RNF126: variants seen among roughly 807,000 people sequenced by gnomAD.
RNF126 encodes E3 ubiquitin-protein ligase RNF126.
RNF126 carries 20 observed loss-of-function variants against 41.9 expected under a neutral mutation model. That is an observed-to-expected ratio of 0.48 (90% confidence interval 0.34 to 0.69). RNF126 has a LOEUF of 0.69. Ranked by LOEUF, RNF126 falls within the 30% of genes least tolerant of loss-of-function variation. The pLI is 0.01. For synonymous variants in RNF126, 239 were observed against 202.9 expected, an observed-to-expected ratio of 1.18 and a Z score of -1.51; for missense variants, 433 against 460.6, an observed-to-expected ratio of 0.94 and a Z score of 0.55.
At position 659,766 on chromosome 19, in the gene RNF126, C is replaced by CTTTTT. The variant is rs35641190; in HGVS notation, c.75+3276_75+3280dup. On this transcript the variant is annotated intron_variant, in intron 1 of 8. Coordinates refer to ENST00000292363, the MANE Select transcript of RNF126 (RefSeq NM_194460.3). This position sits in a 1 kb window ranked among gnomAD's most constrained non-coding sequence, Gnocchi z 4.9. ...GACACCCAGACACCCTCGTCATCGC[C>CTTTTT]TTTTTTTTTTTTTTTTGGAAGGAGT... Among the ~76,000 whole-genome samples the CTTTTT allele has an allele frequency of 7.2e-6, 1 of 138,852 alleles. No individual in the cohort carries two copies. The allele number at this position is 138,852 out of a possible 152,430, so 91.1% of individuals were successfully genotyped here.
At chr19:652,193 G>A (rs1255278554) in intron 3 of RNF126, 40 bp downstream of exon 3, 1 of 1,482,500 alleles carries the variant, frequency 6.7e-7, no homozygotes, top group South Asian at 1.3e-5. Context: ...CCCCGAGCAA[G>A]GCTGACACGA....
intron 1 of RNF126, among the ~76,000 whole-genome samples, chr19:654,504 G>A (rs2030472829): frequency 6.6e-6 from 1 of 151,522 alleles, no homozygotes; most frequent in Non-Finnish European, 1.5e-5. Flanking sequence ...TTAGCCGGGT[G>A]TGGTGGCGGG....
In RNF126 at chr19:659,714, T is replaced by G. The variant is rs557156275; in HGVS notation, c.75+3333A>C. Among the ~76,000 whole-genome samples the G allele has an allele frequency of 6.6e-6, 1 of 151,678 alleles. No homozygotes were observed. The highest frequency in any genetic ancestry group is 6.6e-5 in the Admixed American group (1 of 15,252). On this transcript the variant is annotated intron_variant, in intron 1 of 8. Transcript: ENST00000292363. The surrounding 1 kb of genome is among the most constrained non-coding windows in gnomAD (Gnocchi z 4.9). ...TGGTTCCTGCCGCCACACGCCCCAC[T>G]CTGGCTGACGCTCCCTTTGCTGCTC...
chr19:656,536 C>A (rs1260491630), intron 1 of RNF126, among the ~76,000 whole-genome samples: 1 of 152,108 alleles, frequency 6.6e-6, no homozygotes, highest in Non-Finnish European at 1.5e-5. Flanking sequence ...GTAATCCCAG[C>A]TACTCAGGAG....
At chr19:661,572 CCT>C (rs754020768) in intron 1 of RNF126, among the ~76,000 whole-genome samples, 31 of 152,152 alleles carry the variant, frequency 2.0e-4, no homozygotes, top group African/African-American at 4.1e-4. Flanking sequence ...GGAAACCACA[CCT>C]CTCTCTTTCC....
intron 6 of RNF126, chr19:649,282 G>C (rs954043689): frequency 6.2e-6 from 2 of 324,914 alleles, no homozygotes; most frequent in Non-Finnish European, 1.1e-5. Context: ...TGCTCCGGCT[G>C]GTGGGCTACT....
intron 4 of RNF126, among the ~76,000 whole-genome samples, chr19:650,805 C>T (rs1297889291): frequency 6.6e-6 from 1 of 152,046 alleles, no homozygotes; most frequent in Non-Finnish European, 1.5e-5. Flanking sequence ...ATTGGTCAGG[C>T]TGGTCTCAAA....
chr19:657,209 C>T (rs559828253), intron 1 of RNF126, among the ~76,000 whole-genome samples: 14 of 152,294 alleles, frequency 9.2e-5, no homozygotes, highest in Admixed American at 2.0e-4. Flanking sequence ...GCCCCAGCCC[C>T]GAATCTCTCC....
chr19:657,234 G>A (rs1477456958), intron 1 of RNF126, among the ~76,000 whole-genome samples: 1 of 152,204 alleles, frequency 6.6e-6, no homozygotes, highest in Non-Finnish European at 1.5e-5. Context: ...CAAGCACGAG[G>A]CCCTGCACAC....
chr19:650,521 G>T, intron 4 of RNF126: 1 of 394,924 alleles, frequency 2.5e-6, no homozygotes, highest in Non-Finnish European at 4.5e-6. Flanking sequence ...GGGCTTAAGC[G>T]ATCCTCCCGC....
In RNF126 at chr19:659,354, C is replaced by T. The variant is rs1415174153; in HGVS notation, c.75+3693G>A. 2.6e-5 allele frequency among the ~76,000 whole-genome samples: 4 copies of T among 152,150 alleles called. No individual in the cohort carries two copies. Among genetic ancestry groups the T allele is most frequent in the Admixed American group, 1.3e-4 (2 of 15,276 alleles). ...TCACTTCCTGGTGGCTCCCCGCCCA[C>T]GCCGGCTCTTCCCCGCCACCGTGGG... On this transcript the variant is annotated intron_variant, in intron 1 of 8. Transcript: ENST00000292363. This position sits in a 1 kb window ranked among gnomAD's most constrained non-coding sequence, Gnocchi z 4.9.
chr19:653,985 CG>C (rs1568192328), intron 1 of RNF126, among the ~76,000 whole-genome samples: 1 of 152,120 alleles, frequency 6.6e-6, no homozygotes, highest in Non-Finnish European at 1.5e-5. Context: ...CAGGTTGCAC[CG>C]GGGCTGTTCA....
intron 1 of RNF126, among the ~76,000 whole-genome samples, chr19:656,302 A>G (rs763588146): frequency 6.6e-6 from 1 of 152,094 alleles, no homozygotes; most frequent in African/African-American, 2.4e-5. Flanking sequence ...GTGAGCCAAG[A>G]TTGCAGCAAC....
chr19:657,963 G>A (rs188884260), intron 1 of RNF126, among the ~76,000 whole-genome samples: 13 of 152,178 alleles, frequency 8.5e-5, no homozygotes, highest in Non-Finnish European at 1.9e-4. Flanking sequence ...AGGTAGAAAC[G>A]CCTGGGCAAG....
intron 1 of RNF126, among the ~76,000 whole-genome samples, chr19:658,368 A>AG (rs57869478): frequency 0.11 from 16,367 of 152,090 alleles, 1,285 homozygotes; most frequent in African/African-American, 0.22. Flanking sequence ...GACAGTGACC[A>AG]GGGCAGGCAG....
In RNF126 at chr19:647,639, C is replaced by T. The variant is rs563639427; in HGVS notation, c.*489G>A. The T allele has an allele frequency of 2.8e-5, 5 of 178,154 alleles. No individual in the cohort carries two copies. In the South Asian group the frequency reaches 4.9e-4, roughly 17 times the overall value. 11.0% of individuals were successfully genotyped at this position (178,154 alleles called of 1,614,324 possible). On this transcript the variant is annotated 3_prime_UTR_variant, in exon 9 of 9. Coordinates refer to ENST00000292363, the MANE Select transcript of RNF126 (RefSeq NM_194460.3). ...GAATTTTGCTGGTCATCCTCATGGTCCCGAGCCCCCCTACTCCGGGTCGTG... is the reference window on the plus strand; with the variant it reads ...GAATTTTGCTGGTCATCCTCATGGTTCCGAGCCCCCCTACTCCGGGTCGTG...
At chr19:649,771 A>C in intron 5 of RNF126, 23 bp from the exon 6 acceptor site, 1 of 1,551,472 alleles carries the variant, frequency 6.4e-7, no homozygotes, top group Non-Finnish European at 8.7e-7. Flanking sequence ...GGTGGGGTTC[A>C]AGTGGCTGAC....
chr19:655,705 CA>C (rs1295555091), intron 1 of RNF126, among the ~76,000 whole-genome samples: 3 of 152,146 alleles, frequency 2.0e-5, no homozygotes, highest in Non-Finnish European at 2.9e-5. Flanking sequence ...GCGCAGACCC[CA>C]GAGAAACGAA....
chr19:654,764 C>A (rs1343598708), intron 1 of RNF126, among the ~76,000 whole-genome samples: 1 of 146,822 alleles, frequency 6.8e-6, no homozygotes, highest in Non-Finnish European at 1.5e-5. Flanking sequence ...GCCAGGAGTT[C>A]GAGACCAGCC....
Sources: allele counts gnomAD v4.1 joint callset (sites outside exome capture counted in the v4.1 genomes callset), GRCh38; gene constraint gnomAD v4.1.1; non-coding constraint Gnocchi (gnomAD v3.1); transcripts MANE v1.5; gene names NCBI Gene and HGNC (gene_info 2026-07-23, HGNC 2026-07-21).